The following LRRC37A2 variants were observed in gnomAD, a reference collection of about 807,000 sequenced individuals.
The protein encoded by LRRC37A2 is leucine-rich repeat-containing protein 37A2.
LRRC37A2 carries 9 observed loss-of-function variants against 68.8 expected under a neutral mutation model. The observed-to-expected ratio is 0.13, with a 90% CI of 0.08 to 0.23. The LOEUF is 0.23. LRRC37A2 is among the 10% of genes least tolerant of loss of function. LRRC37A2 has a pLI of 1.00. For missense variants in LRRC37A2, 168 were observed against 950.4 expected (o/e 0.18, Z 10.82); for synonymous variants, 63 against 367.6 (o/e 0.17, Z 9.48).
chr17:46,392,233 A>G, the LRRC37A2 span, among the ~76,000 whole-genome samples: 2 of 60,826 alleles, frequency 3.3e-5, 1 homozygote, highest in East Asian at 6.9e-4. Flanking sequence ...TTTTTTTGAG[A>G]TAGGGTATCA....
downstream of LRRC37A2, among the ~76,000 whole-genome samples, chr17:46,558,588 A>G (rs1598599543): frequency 9.5e-6 from 1 of 104,850 alleles, no homozygotes; most frequent in South Asian, 2.7e-4. Context: ...AAACAGTTTC[A>G]CCATGTTGGC....
chr17:46,845,166 G>A, the LRRC37A2 span, among the ~76,000 whole-genome samples: 1 of 152,084 alleles, frequency 6.6e-6, no homozygotes, highest in African/African-American at 2.4e-5. Flanking sequence ...TCCTTCTTTT[G>A]AGCAGTATCC....
chr17:46,890,459 C>T, the LRRC37A2 span, among the ~76,000 whole-genome samples: 1 of 152,118 alleles, frequency 6.6e-6, no homozygotes, highest in Non-Finnish European at 1.5e-5. Context: ...GCCCCGAGAC[C>T]AGGGAGCGGG....
the LRRC37A2 span, chr17:46,978,509 C>T: frequency 1.3e-5 from 14 of 1,076,258 alleles, no homozygotes; most frequent in Admixed American, 9.3e-5. Context: ...ACAGTCTCGC[C>T]GCGTCCCCGC....
chr17:46,609,603 TTA>T, the LRRC37A2 span, among the ~76,000 whole-genome samples: 4 of 147,848 alleles, frequency 2.7e-5, no homozygotes, highest in African/African-American at 7.6e-5. Context: ...GTAAATACTA[TTA>T]TGTTTATATT....
downstream of LRRC37A2, among the ~76,000 whole-genome samples, chr17:46,557,989 G>C (rs1425555469): frequency 7.4e-6 from 1 of 134,392 alleles, no homozygotes; most frequent in African/African-American, 2.9e-5. Flanking sequence ...TATAGTATTG[G>C]AGAAAACTTA....
chr17:46,731,361 T>C, the LRRC37A2 span, among the ~76,000 whole-genome samples: 1 of 152,248 alleles, frequency 6.6e-6, no homozygotes, highest in South Asian at 2.1e-4. Flanking sequence ...AGAGGGTCAC[T>C]GCTAATGGGT....
chr17:46,935,280 A>T, the LRRC37A2 span: 12 of 1,594,262 alleles, frequency 7.5e-6, no homozygotes, highest in African/African-American at 4.0e-5. Context: ...TGATATTTTG[A>T]TGACAAGACA....
At chr17:46,973,629 C>T in the LRRC37A2 span, among the ~76,000 whole-genome samples, 5 of 152,158 alleles carry the variant, frequency 3.3e-5, no homozygotes, top group Non-Finnish European at 7.3e-5. Flanking sequence ...GCAATGCTGT[C>T]ATCTCAGAGG....
At chr17:46,550,940 C>T (rs1415654512) in intron 11 of LRRC37A2, among the ~76,000 whole-genome samples, 7 of 149,048 alleles carry the variant, frequency 4.7e-5, no homozygotes, top group South Asian at 2.1e-4. Context: ...AAAAGACATA[C>T]GTATTGTCTT....
the LRRC37A2 span, chr17:46,875,389 G>A: frequency 1.5e-5 from 23 of 1,566,960 alleles, no homozygotes; most frequent in African/African-American, 4.1e-5. Flanking sequence ...CTGGCTGCCC[G>A]CAGTGCCTTC....
chr17:46,626,194 T>G, the LRRC37A2 span, among the ~76,000 whole-genome samples: 51 of 125,320 alleles, frequency 4.1e-4, 1 homozygote, highest in Non-Finnish European at 6.4e-4. Flanking sequence ...GTCTAAAAAC[T>G]AACTTTTTTT....
the LRRC37A2 span, among the ~76,000 whole-genome samples, chr17:46,797,359 G>A: frequency 6.6e-6 from 1 of 152,216 alleles, no homozygotes; most frequent in Non-Finnish European, 1.5e-5. Context: ...GGCAGCTCCA[G>A]GCTGGGTTTT....
At chr17:46,900,844 C>T in the LRRC37A2 span, among the ~76,000 whole-genome samples, 1 of 152,202 alleles carries the variant, frequency 6.6e-6, no homozygotes, top group South Asian at 2.1e-4. Context: ...ACACCATCTA[C>T]AAGCCAAGCT....
chr17:46,976,927 A>G, the LRRC37A2 span, among the ~76,000 whole-genome samples: 1 of 152,148 alleles, frequency 6.6e-6, no homozygotes, highest in East Asian at 1.9e-4. Flanking sequence ...CATTCTCCAC[A>G]TTCGGGGTTT....
the LRRC37A2 span, among the ~76,000 whole-genome samples, chr17:46,782,617 A>G: frequency 3.9e-5 from 6 of 152,244 alleles, no homozygotes; most frequent in African/African-American, 1.4e-4. Flanking sequence ...GGCAGATGTC[A>G]GGACAGGAAG....
At chr17:46,793,484 G>GAA in the LRRC37A2 span, among the ~76,000 whole-genome samples, 3 of 152,096 alleles carry the variant, frequency 2.0e-5, no homozygotes, top group Admixed American at 2.0e-4. Context: ...TGTTGGTGCA[G>GAA]ATCTTCCGCA....
the LRRC37A2 span, among the ~76,000 whole-genome samples, chr17:47,000,066 AAATAAAATAAAAAATAAAAT>A: frequency 0.02 from 470 of 23,042 alleles, 87 homozygotes; most frequent in South Asian, 0.089. Context: ...AATAAAATTA[AAATAAAATAAAAAATAAAAT>A]AAAATAAAAT....
At chr17:47,025,456 G>A in the LRRC37A2 span, among the ~76,000 whole-genome samples, 1 of 151,974 alleles carries the variant, frequency 6.6e-6, no homozygotes, top group Non-Finnish European at 1.5e-5. Flanking sequence ...AGAATAGACT[G>A]GTATTAAGGA....
Sources: gnomAD v4.1 joint callset for allele counts (sites outside exome capture counted in the v4.1 genomes callset) on GRCh38, gnomAD v4.1.1 for gene constraint, MANE v1.5 for transcripts, NCBI Gene and HGNC (gene_info 2026-07-23, HGNC 2026-07-21) for gene names.